Variants in ACADVL observed in about 807,000 individuals in gnomAD.
The protein encoded by ACADVL is acyl-CoA dehydrogenase very long chain.
ACADVL carries 73 observed loss-of-function variants against 80.4 expected under a neutral mutation model. That is an observed-to-expected ratio of 0.91 (90% CI 0.75 to 1.10). The LOEUF is 1.10. ACADVL is among the 50% of genes least tolerant of loss of function. ACADVL has a pLI of 0.00. For missense variants in ACADVL, 878 were observed against 858.9 expected (o/e 1.02, Z -0.28); for synonymous variants, 392 against 326.5 (o/e 1.20, Z -2.16).
rs905475056 is a variant in ACADVL, at chr17:7,220,136, C to G, written c.77C>G (p.Ala26Gly). ...RLGGGSSRLT[A>G]LLGQPRPGPA... ...ACTCCCCACAGCTCGCGGCTCACGG[C>G]GCTCCTGGGGCAGCCCCGGCCCGGC... The change falls in exon 2 of 20, where the codon GCG becomes GGG. Residue 26 changes from alanine to glycine, a missense_variant. By Grantham distance (60) the Ala-to-Gly change is moderately conservative (BLOSUM62 0). Transcript: ENST00000356839. The G allele has an allele frequency of 6.4e-7, 1 of 1,560,320 alleles. No individual in the cohort carries two copies. The highest frequency in any genetic ancestry group is 8.6e-7 in the Non-Finnish European group (1 of 1,160,634).
In ACADVL at chr17:7,224,481, C is replaced by A. The variant is rs1204657194; in HGVS notation, c.1607C>A (p.Ala536Glu). 6.2e-7 allele frequency: 1 copy of A among 1,613,872 alleles called. No individual in the cohort carries two copies. Among genetic ancestry groups the A allele is most frequent in the East Asian group, 2.2e-5 (1 of 44,880 alleles). ...CCCGCACTGTCCCCATCTCTTAAGG[C>A]AGTACGGGCTCTGGAGCAGTTTGCC... ...HPELSRSGEL[A>E]VRALEQFATV... Residue 536 changes from alanine (A) to glutamate (E), a missense_variant and splice_region_variant, in exon 17 of 20, where the codon GCA becomes GAA. Ala to Glu is a moderately radical substitution (Grantham distance 107). Coordinates refer to ENST00000356839, the MANE Select transcript of ACADVL (RefSeq NM_000018.4).
chr17:7,223,857 G>T lies in ACADVL; in HGVS notation c.1314G>T (p.Gly438=). ...CAGATGAATGCATCCAAATCATGGG[G>T]GGTATGGGCTTCATGAAGGTACAGG... is the stretch of plus-strand genomic sequence containing the variant. ...KVTDECIQIM[G]GMGFMKEPGV... Residue 438 remains glycine, a synonymous_variant, in exon 13 of 20, where the codon GGG becomes GGT. Transcript: ENST00000356839. The T allele has an allele frequency of 6.2e-7, 1 of 1,614,128 alleles. No individual in the cohort carries two copies.
At chr17:7,222,614 C>A in intron 9 of ACADVL, 53 bp from the exon 10 acceptor site, 1 of 1,535,024 alleles carries the variant, frequency 6.5e-7, no homozygotes, top group African/African-American at 1.4e-5. Context: ...AGTTTTTCCC[C>A]CAGTGACAAC....
At position 7,225,147 on chromosome 17, in the gene ACADVL, A is replaced by G. The variant is rs2071418520; in HGVS notation, c.*50A>G. The G allele has an allele frequency of 6.2e-7, 1 of 1,612,774 alleles. No individual in the cohort carries two copies. Among genetic ancestry groups the G allele is most frequent in the Admixed American group, 1.7e-5 (1 of 60,024 alleles). ...AGTTATGTGCCTTCCCTCAAGCCAA[A>G]GCCGAAGCCCCTTTCCTTAAGGCCC... On this transcript the variant is annotated 3_prime_UTR_variant, in exon 20 of 20. Coordinates refer to ENST00000356839, the MANE Select transcript of ACADVL (RefSeq NM_000018.4).
upstream of ACADVL, chr17:7,218,257 G>A (rs765908419): frequency 3.1e-6 from 5 of 1,609,872 alleles, no homozygotes; most frequent in Admixed American, 5.0e-5. Context: ...CTCTGAGAGG[G>A]AAGCCTCATA....
chr17:7,223,063 C>A, intron 10 of ACADVL, 70 bp from the exon 11 acceptor site: 1 of 1,523,932 alleles, frequency 6.6e-7, no homozygotes, highest in Non-Finnish European at 9.1e-7. Context: ...CTGGCGCAAG[C>A]CCAGCCCCTC....
Position 7,222,757 on chromosome 17 carries a change from G to C in ACADVL, c.969G>C (p.Leu323=). The change falls in exon 10 of 20, where the codon CTG becomes CTC. Residue 323 remains leucine, a synonymous_variant. Transcript: ENST00000356839. ...TACGGGTGCCATCGGAGAACGTGCT[G>C]GGTGAGGTTGGGAGTGGCTTCAAGG... ...DGVRVPSENV[L]GEVGSGFKVA... 1 of 1,614,146 alleles carries C rather than the reference G, an allele frequency of 6.2e-7. No homozygotes were observed. Among genetic ancestry groups the C allele is most frequent in the East Asian group, 2.2e-5 (1 of 44,884 alleles).
chr17:7,221,840 T>C (rs1211838180), intron 7 of ACADVL, 112 bp from the exon 8 acceptor site: 22 of 1,594,148 alleles, frequency 1.4e-5, no homozygotes, highest in Non-Finnish European at 1.8e-5. Context: ...GCAAAAGAAC[T>C]GGATACTCCC....
upstream of ACADVL, chr17:7,219,338 G>A (rs935307644): frequency 1.8e-5 from 17 of 947,832 alleles, no homozygotes; most frequent in South Asian, 3.9e-5. Context: ...AAAGACAGAA[G>A]GGAATGTTCA....
chr17:7,220,754 C>G lies in ACADVL; in HGVS notation c.278-12C>G, dbSNP rs2071166390. 4 of 1,614,180 alleles carry G rather than the reference C, an allele frequency of 2.5e-6. No homozygotes were observed. Among genetic ancestry groups the G allele is most frequent in the South Asian group, 2.2e-5 (2 of 91,090 alleles). On this transcript the variant is annotated splice_polypyrimidine_tract_variant and intron_variant, in intron 4 of 19. Transcript: ENST00000356839. ...AGCCTGGCCTGACCAGCCTGTCCCC[C>G]ACCCTCTGCAGTGCTCAACGAAGAG... is the stretch of plus-strand genomic sequence containing the variant.
rs975427927 is a variant in ACADVL, at chr17:7,220,017, G to A, written c.33G>A (p.Gly11=). The change falls in exon 1 of 20, where the codon GGG becomes GGA. Residue 11 remains glycine, a synonymous_variant. Transcript: ENST00000356839. ...CGGCTCGGATGGCCGCGAGCTTGGGGCGGCAGCTGCTGAGGCTCGGGGGCG... is the reference window on the plus strand; with the variant it reads ...CGGCTCGGATGGCCGCGAGCTTGGGACGGCAGCTGCTGAGGCTCGGGGGCG... The part of the protein sequence containing the change: MQAARMAASL[G]RQLLRLGGGS... 5 of 1,605,178 alleles carry A rather than the reference G, an allele frequency of 3.1e-6. No homozygotes were observed. Among genetic ancestry groups the A allele is most frequent in the East Asian group, 2.2e-5 (1 of 44,754 alleles).
In ACADVL at chr17:7,220,798, G is replaced by A; in HGVS notation, c.310G>A (p.Glu104Lys). 2 of 1,614,144 alleles carry A rather than the reference G, an allele frequency of 1.2e-6. No homozygotes were observed. The highest frequency in any genetic ancestry group is 1.7e-6 in the Non-Finnish European group (2 of 1,180,052). The change falls in exon 5 of 20, where the codon GAG becomes AAG. Residue 104 changes from glutamate (E) to lysine (K), a missense_variant. Physicochemically the swap from Glu to Lys is moderately conservative, Grantham distance 56 (BLOSUM62 1). Coordinates refer to ENST00000356839, the MANE Select transcript of ACADVL (RefSeq NM_000018.4). ...CGAAGAGCAGACACAGTTTCTTAAA[G>A]AGCTGGTGGAGCCTGTGTCCCGTTT... ...LNEEQTQFLK[E>K]LVEPVSRFFE... is the part of the protein sequence containing the mutation.
chr17:7,217,952 T>A (rs2071011777), upstream of ACADVL: 1 of 848,050 alleles, frequency 1.2e-6, no homozygotes, highest in South Asian at 1.6e-5. Context: ...AAGGAGGCAA[T>A]CCCTGGGGGC....
At chr17:7,221,126 A>G in intron 6 of ACADVL, 68 bp downstream of exon 6, 2 of 1,608,628 alleles carry the variant, frequency 1.2e-6, no homozygotes, top group East Asian at 2.2e-5. Context: ...CTCTTTTGCC[A>G]TAGACCTAGA....
At chr17:7,219,918 A>ATGTGGG (rs1567559204), upstream of ACADVL, 3 of 1,567,438 alleles carry the variant, frequency 1.9e-6, no homozygotes, top group Admixed American at 1.9e-5. Flanking sequence ...GGGCGCCAGG[A>ATGTGGG]CGTGGGCGTG....
chr17:7,221,475 C>G (rs760822399), intron 6 of ACADVL, 63 bp from the exon 7 acceptor site: 1 of 1,611,672 alleles, frequency 6.2e-7, no homozygotes, highest in East Asian at 2.2e-5. Context: ...TGCCCACACT[C>G]TCCTGTTAAG....
In ACADVL at chr17:7,222,030, C is replaced by T; in HGVS notation, c.701C>T (p.Pro234Leu). The change falls in exon 8 of 20, where the codon CCC becomes CTC. Residue 234 changes from proline (P) to leucine (L), a missense_variant. By Grantham distance (98) the Pro-to-Leu change is moderately conservative (BLOSUM62 -3). Coordinates refer to ENST00000356839, the MANE Select transcript of ACADVL (RefSeq NM_000018.4). ...DAASIRTSAV[P>L]SPCGKYYTLN... ...GCCTCCATCCGAACCTCTGCTGTGC[C>T]CAGCCCCTGTGGAAAATACTATACC... 2.5e-6 allele frequency: 4 copies of T among 1,614,130 alleles called. No homozygotes were observed. Among genetic ancestry groups the T allele is most frequent in the Middle Eastern group, 1.6e-4 (1 of 6,062 alleles).
upstream of ACADVL, chr17:7,218,829 A>T: frequency 6.2e-7 from 1 of 1,613,258 alleles, no homozygotes; most frequent in Non-Finnish European, 8.5e-7. Context: ...CCTGTTTTTC[A>T]CCTCTTGGTC....
upstream of ACADVL, chr17:7,217,936 G>T (rs1426604505): frequency 1.0e-6 from 1 of 965,162 alleles, no homozygotes; most frequent in Admixed American, 2.3e-5. Flanking sequence ...TGTGAGGGAG[G>T]AGCTGAAGGA....
Sources: allele counts gnomAD v4.1 joint callset, GRCh38; gene constraint gnomAD v4.1.1; transcripts MANE v1.5; gene names NCBI Gene and HGNC (gene_info 2026-07-23, HGNC 2026-07-21).